The following DNASE1 variants were observed in gnomAD, a reference collection of about 807,000 sequenced individuals.
DNASE1 encodes deoxyribonuclease-1.
A neutral mutation model predicts 33.9 loss-of-function variants in DNASE1; 40 were observed. That is an observed-to-expected ratio of 1.18 (90% CI 0.92 to 1.54). DNASE1 has a LOEUF of 1.54. Ranked by LOEUF, DNASE1 falls within the 40% of genes most tolerant of loss-of-function variation. The probability of loss-of-function intolerance (pLI) is 0.00; values close to 1 mark genes in which losing one functional copy is unlikely to be tolerated. For missense variants in DNASE1, 518 were observed against 372.6 expected (o/e 1.39, Z -3.21); for synonymous variants, 216 against 160.0 (o/e 1.35, Z -2.64).
At chr16:3,625,250 G>C (rs1041487614) in intron 1 of DNASE1, among the ~76,000 whole-genome samples, 1 of 152,158 alleles carries the variant, frequency 6.6e-6, no homozygotes, top group Non-Finnish European at 1.5e-5. Flanking sequence ...GGGTTACAGT[G>C]AGCCGAGATC....
Position 3,657,775 on chromosome 16 carries a change from C to CCCTTTAACTTCCAGGCTGCCTATGG in DNASE1, c.764_788dup (p.Ser264Ter). 6.2e-7 allele frequency: 1 copy of CCCTTTAACTTCCAGGCTGCCTATGG among 1,614,056 alleles called. No individual in the cohort carries two copies. Among genetic ancestry groups the CCCTTTAACTTCCAGGCTGCCTATGG allele is most frequent in the Admixed American group, 1.7e-5 (1 of 60,022 alleles). On this transcript the variant is annotated frameshift_variant, in exon 8 of 9. Transcript: ENST00000246949. LOFTEE classifies it high-confidence loss of function. Reference sequence around the variant, plus strand: ...CGCCGTTGTTCCCGACTCGGCTCTTCCCTTTAACTTCCAGGCTGCCTATGG... The same window carrying CCCTTTAACTTCCAGGCTGCCTATGG: ...CGCCGTTGTTCCCGACTCGGCTCTTCCCTTTAACTTCCAGGCTGCCTATGGCCTTTAACTTCCAGGCTGCCTATGG...
intron 1 of DNASE1, among the ~76,000 whole-genome samples, chr16:3,621,189 A>T (rs528649486): frequency 6.6e-6 from 1 of 151,996 alleles, no homozygotes; most frequent in East Asian, 1.9e-4. Flanking sequence ...GGGCTCAGAC[A>T]ATCCTCCTGC....
chr16:3,663,583 C>G (rs376788607), exon 10 of DNASE1: 2 of 1,612,958 alleles, frequency 1.2e-6, no homozygotes, highest in African/African-American at 1.3e-5. Context: ...CCAAGAGCAG[C>G]TCCATCAGAC....
downstream of DNASE1, chr16:3,660,140 AAAGC>A (rs1356568894): frequency 6.6e-6 from 1 of 152,198 alleles, no homozygotes; most frequent in South Asian, 2.1e-4. Flanking sequence ...CTAAGGGAGA[AAAGC>A]AAGGCAAGGA....
chr16:3,621,656 A>G (rs1440686597), intron 1 of DNASE1, among the ~76,000 whole-genome samples: 1 of 152,108 alleles, frequency 6.6e-6, no homozygotes, highest in East Asian at 1.9e-4. Flanking sequence ...ATTTTTCCTT[A>G]TTACATATAA....
chr16:3,643,988 G>GA (rs1278550175), intron 1 of DNASE1, among the ~76,000 whole-genome samples: 101 of 152,126 alleles, frequency 6.6e-4, no homozygotes, highest in African/African-American at 2.2e-3. Context: ...TGATTTGCCT[G>GA]CCTCGGCCTC....
intron 1 of DNASE1, among the ~76,000 whole-genome samples, chr16:3,622,612 T>C (rs1433879586): frequency 6.6e-6 from 1 of 152,200 alleles, no homozygotes; most frequent in African/African-American, 2.4e-5. Context: ...ATCATTTGAC[T>C]TAAAAAAATT....
intron 1 of DNASE1, among the ~76,000 whole-genome samples, chr16:3,646,163 C>T (rs980783923): frequency 6.6e-6 from 1 of 152,154 alleles, no homozygotes; most frequent in African/African-American, 2.4e-5. Context: ...GTCCAAGTGC[C>T]ACCTGGATGC....
intron 8 of DNASE1, 24 bp downstream of exon 8, chr16:3,657,840 C>CACATGAGGATGGGACACAGGAGCTCA: frequency 6.2e-7 from 1 of 1,614,010 alleles, no homozygotes; most frequent in Non-Finnish European, 8.5e-7. Flanking sequence ...CTTGCACAGC[C>CACATGAGGATGGGACACAGGAGCTCA]ACATGAGGAT....
downstream of DNASE1, chr16:3,659,014 TAATATC>T: frequency 5.3e-6 from 4 of 750,788 alleles, no homozygotes; most frequent in Non-Finnish European, 6.5e-6. Context: ...CATTTATAGA[TAATATC>T]ATTATATACC....
At chr16:3,619,849 C>G (rs1251659603) in intron 1 of DNASE1, among the ~76,000 whole-genome samples, 1 of 151,306 alleles carries the variant, frequency 6.6e-6, no homozygotes, top group Non-Finnish European at 1.5e-5. Flanking sequence ...ATTTACAGCT[C>G]TACTAAATAT....
At chr16:3,626,925 A>G (rs76610225) in intron 1 of DNASE1, among the ~76,000 whole-genome samples, 9,496 of 152,004 alleles carry the variant, frequency 0.062, 314 homozygotes, top group Admixed American at 0.076. Flanking sequence ...AGGCTGGAGC[A>G]CGGTGATGTG....
intron 1 of DNASE1, among the ~76,000 whole-genome samples, chr16:3,630,326 C>A (rs986127736): frequency 1.3e-5 from 2 of 152,080 alleles, no homozygotes; most frequent in African/African-American, 4.8e-5. Flanking sequence ...GGACCACAGG[C>A]ACACGCCACC....
chr16:3,649,270 C>T (rs1329596929), intron 1 of DNASE1, among the ~76,000 whole-genome samples: 2 of 152,202 alleles, frequency 1.3e-5, no homozygotes, highest in African/African-American at 4.8e-5. Context: ...GTCCACCTAT[C>T]TAAAGAGAGC....
downstream of DNASE1, chr16:3,658,690 CAA>C: frequency 8.5e-7 from 1 of 1,180,812 alleles, no homozygotes; most frequent in East Asian, 2.6e-5. Flanking sequence ...AACAAACAAA[CAA>C]AAAGACAGGA....
upstream of DNASE1, chr16:3,650,613 A>AAAAAAAAAAAAAAAG (rs1567202911): frequency 2.7e-5 from 4 of 149,214 alleles, no homozygotes; most frequent in African/African-American, 5.0e-5. Flanking sequence ...CAAAAAAAAA[A>AAAAAAAAAAAAAAAG]AAAAAAAGAA....
At position 3,644,732 on chromosome 16, in the gene DNASE1, CTCA is replaced by C. The variant is rs776371686; in HGVS notation, c.-86+1697_-86+1699del. On this transcript the variant is annotated intron_variant, in intron 1 of 9. Coordinates refer to the DNASE1 transcript ENST00000407479. ...CCTGGGCGACAGAGCGAGACTCCAT[CTCA>C]AAAAAAAAAAAAGAAATAAAAAATC... is the stretch of plus-strand genomic sequence containing the variant. 3.0e-5 allele frequency among the ~76,000 whole-genome samples: 4 copies of C among 135,102 alleles called. No individual in the cohort carries two copies. The South Asian group carries it at 9.5e-4, about 32-fold the overall frequency. The allele number at this position is 135,102 out of a possible 152,430, so 88.6% of individuals were successfully genotyped here.
At chr16:3,620,637 A>G (rs1048624815) in intron 1 of DNASE1, among the ~76,000 whole-genome samples, 4 of 152,246 alleles carry the variant, frequency 2.6e-5, no homozygotes, top group Admixed American at 6.5e-5. Context: ...GTTGATAAAG[A>G]TATATTTATA....
At chr16:3,647,257 A>G (rs1385945059) in intron 1 of DNASE1, among the ~76,000 whole-genome samples, 1 of 149,004 alleles carries the variant, frequency 6.7e-6, no homozygotes, top group African/African-American at 2.5e-5. Context: ...AGAACTAATC[A>G]TGGGATTTTT....
Sources: allele counts gnomAD v4.1 joint callset (sites outside exome capture counted in the v4.1 genomes callset), GRCh38; gene constraint gnomAD v4.1.1; transcripts MANE v1.5; gene names NCBI Gene and HGNC (gene_info 2026-07-23, HGNC 2026-07-21).